The following WWOX variants were observed in gnomAD, a reference collection of about 807,000 sequenced individuals.
WWOX encodes the protein WW domain-containing oxidoreductase.
A neutral mutation model predicts 46.2 loss-of-function variants in WWOX; 69 were observed. The ratio of observed to expected loss-of-function variants is 1.49; its 90% CI spans 1.23 to 1.82. The LOEUF (loss-of-function observed/expected upper bound fraction) is 1.82, where lower values mean the gene tolerates loss of function less well. Among genes scored for constraint, WWOX ranks in the 40% most tolerant of loss-of-function variants. The probability of loss-of-function intolerance (pLI) is 0.00; values close to 1 mark genes in which losing one functional copy is unlikely to be tolerated. For synonymous variants in WWOX, 359 were observed against 202.6 expected (o/e 1.77, Z -6.56); for missense variants, 919 against 542.6 (o/e 1.69, Z -6.89).
chr16:79,134,137 A>G (rs1039323749), intron 8 of WWOX, among the ~76,000 whole-genome samples: 1 of 151,898 alleles, frequency 6.6e-6, no homozygotes, highest in Admixed American at 6.6e-5. Context: ...ACATTTTGCT[A>G]TTCTCAGTGG....
chr16:78,852,394 G>T (rs2052466653), intron 8 of WWOX, among the ~76,000 whole-genome samples: 2 of 152,190 alleles, frequency 1.3e-5, no homozygotes, highest in South Asian at 4.1e-4. Context: ...GCAGAAGCTA[G>T]ACACCATGTT....
At chr16:78,459,616 T>C (rs1403545342) in intron 8 of WWOX, among the ~76,000 whole-genome samples, 3 of 152,196 alleles carry the variant, frequency 2.0e-5, no homozygotes, top group Non-Finnish European at 4.4e-5. Flanking sequence ...CAAAATCTAC[T>C]TTCTGCATTT....
intron 8 of WWOX, among the ~76,000 whole-genome samples, chr16:78,647,016 A>T (rs1474702414): frequency 7.2e-5 from 11 of 152,126 alleles, no homozygotes; most frequent in Admixed American, 7.2e-4. Flanking sequence ...AGATGTCATC[A>T]AGAGTCTTTC....
intron 8 of WWOX, among the ~76,000 whole-genome samples, chr16:78,594,219 C>G (rs998504495): frequency 1.3e-5 from 2 of 152,034 alleles, no homozygotes; most frequent in African/African-American, 4.8e-5. Flanking sequence ...CGAAGCAAAC[C>G]TATGTGTATG....
chr16:78,355,977 G>A (rs930915050), intron 5 of WWOX: 3 of 168,900 alleles, frequency 1.8e-5, no homozygotes, highest in Non-Finnish European at 3.7e-5. Flanking sequence ...GAAATGAGTT[G>A]ATTTGCAGAT....
intron 8 of WWOX, among the ~76,000 whole-genome samples, chr16:79,151,422 A>T (rs1385795486): frequency 6.6e-6 from 1 of 152,154 alleles, no homozygotes; most frequent in African/African-American, 2.4e-5. Context: ...CTTTTTGGTT[A>T]CCCTGGACCA....
At chr16:78,606,397 G>A (rs1567431588) in intron 8 of WWOX, among the ~76,000 whole-genome samples, 1 of 151,918 alleles carries the variant, frequency 6.6e-6, no homozygotes, top group Non-Finnish European at 1.5e-5. Context: ...TTATTCTTTT[G>A]GAAAATTAGA....
chr16:78,505,649 G>T (rs965509505), intron 8 of WWOX, among the ~76,000 whole-genome samples: 2 of 152,160 alleles, frequency 1.3e-5, no homozygotes, highest in Admixed American at 6.5e-5. Flanking sequence ...TCAGGAAGTT[G>T]CTGGGAAGTC....
At chr16:78,969,663 A>G (rs1396333231) in intron 8 of WWOX, among the ~76,000 whole-genome samples, 1 of 152,172 alleles carries the variant, frequency 6.6e-6, no homozygotes, top group Non-Finnish European at 1.5e-5. Context: ...AGTTTCCTGC[A>G]GCTTTAATAA....
At chr16:78,541,617 T>C (rs1186395732) in intron 8 of WWOX, among the ~76,000 whole-genome samples, 1 of 151,794 alleles carries the variant, frequency 6.6e-6, no homozygotes, top group Non-Finnish European at 1.5e-5. Context: ...TTAATGAACT[T>C]GGCCAGACAG....
chr16:78,703,992 G>A (rs1326674045), intron 8 of WWOX, among the ~76,000 whole-genome samples: 1 of 152,018 alleles, frequency 6.6e-6, no homozygotes, highest in Non-Finnish European at 1.5e-5. Context: ...CAATTCAGTG[G>A]CATAAAAGGG....
At chr16:78,769,549 A>C (rs1364810129) in intron 8 of WWOX, among the ~76,000 whole-genome samples, 1 of 42,112 alleles carries the variant, frequency 2.4e-5, no homozygotes, top group Non-Finnish European at 4.4e-5. Flanking sequence ...TTATTTATTT[A>C]TTTATTTATT....
intron 4 of WWOX, among the ~76,000 whole-genome samples, chr16:78,127,123 G>A (rs1012160055): frequency 1.3e-5 from 2 of 152,144 alleles, no homozygotes; most frequent in African/African-American, 4.8e-5. Context: ...CTTCCTATCT[G>A]TATGACCCGA....
chr16:78,622,020 G>A (rs2046201866), intron 8 of WWOX, among the ~76,000 whole-genome samples: 1 of 152,160 alleles, frequency 6.6e-6, no homozygotes. Context: ...CTAGTTGAAG[G>A]AAAGTTTTGG....
chr16:78,843,985 G>C (rs1382901012), intron 8 of WWOX, among the ~76,000 whole-genome samples: 1 of 152,154 alleles, frequency 6.6e-6, no homozygotes, highest in East Asian at 1.9e-4. Context: ...GCAAAACCCA[G>C]ATGATGTATT....
At chr16:78,403,988 A>AT (rs1197581231) in intron 6 of WWOX, among the ~76,000 whole-genome samples, 2 of 152,196 alleles carry the variant, frequency 1.3e-5, no homozygotes, top group Non-Finnish European at 2.9e-5. Context: ...ACATATATTC[A>AT]TTTTTTAAAA....
At chr16:78,748,047 A>T (rs1488346183) in intron 8 of WWOX, among the ~76,000 whole-genome samples, 2 of 152,094 alleles carry the variant, frequency 1.3e-5, no homozygotes, top group Non-Finnish European at 2.9e-5. Context: ...AGCACTTGGG[A>T]TCTGCAGAAG....
chr16:78,297,446 G>A (rs1278657768), intron 5 of WWOX, among the ~76,000 whole-genome samples: 1 of 152,138 alleles, frequency 6.6e-6, no homozygotes, highest in Non-Finnish European at 1.5e-5. Flanking sequence ...GCCATTTGTA[G>A]AACCATATTA....
At chr16:78,606,557 T>C (rs1236091477) in intron 8 of WWOX, among the ~76,000 whole-genome samples, 7 of 152,034 alleles carry the variant, frequency 4.6e-5, no homozygotes, top group South Asian at 2.1e-4. Flanking sequence ...CCTGTTGACC[T>C]GTCAGCTTAA....
Sources: gnomAD v4.1 joint callset for allele counts (sites outside exome capture counted in the v4.1 genomes callset) on GRCh38, gnomAD v4.1.1 for gene constraint, MANE v1.5 for transcripts, NCBI Gene and HGNC (gene_info 2026-07-23, HGNC 2026-07-21) for gene names.